The following MCC variants were observed in gnomAD, a reference collection of about 807,000 sequenced individuals.
MCC encodes colorectal mutant cancer protein.
In MCC, 90 loss-of-function variants were observed where a neutral mutation model predicts 116.2. The ratio of observed to expected loss-of-function variants is 0.77; its 90% confidence interval spans 0.65 to 0.92. MCC has a LOEUF of 0.92. Ranked by LOEUF, MCC falls within the 40% of genes least tolerant of loss-of-function variation. The pLI, the probability that MCC is intolerant of heterozygous loss-of-function variation, is 0.00. For synonymous variants in MCC, 578 were observed against 510.5 expected, an observed-to-expected ratio of 1.13 and a Z score of -1.78; for missense variants, 1,516 against 1,312.2, an observed-to-expected ratio of 1.16 and a Z score of -2.40.
chr5:113,044,130 A>G (rs961614807), intron 16 of MCC, among the ~76,000 whole-genome samples: 1 of 152,176 alleles, frequency 6.6e-6, no homozygotes, highest in Non-Finnish European at 1.5e-5. Context: ...ACAAGTGAGA[A>G]ATACCTGTGA....
At chr5:113,032,865 C>G (rs919833450) in intron 17 of MCC, among the ~76,000 whole-genome samples, 2 of 152,226 alleles carry the variant, frequency 1.3e-5, no homozygotes, top group African/African-American at 2.4e-5. Context: ...CTGCTACACT[C>G]TCACCAGCGC....
intron 3 of MCC, among the ~76,000 whole-genome samples, chr5:113,194,240 T>C (rs1354264701): frequency 6.6e-6 from 1 of 152,242 alleles, no homozygotes; most frequent in East Asian, 1.9e-4. Context: ...GGGGACATGG[T>C]GATAACCTAA....
intron 16 of MCC, among the ~76,000 whole-genome samples, chr5:113,046,710 A>AAAAAAAAAAAGAG: frequency 8.8e-5 from 9 of 102,410 alleles, no homozygotes; most frequent in African/African-American, 2.8e-4. Context: ...AAAAAAAAAA[A>AAAAAAAAAAAGAG]AGAGAGAGAT....
At position 113,346,871 on chromosome 5, in the gene MCC, G is replaced by C. The variant is rs528067952; in HGVS notation, c.416-6141C>G. Among the ~76,000 whole-genome samples, 29 of 151,978 alleles carry C rather than the reference G, an allele frequency of 1.9e-4. 1 individual carries two copies. In the South Asian group the frequency reaches 3.7e-3, roughly 20 times the overall value. The stretch of plus-strand genomic sequence containing the variant: ...CATACAATGGAGTTCCAATATGTCT[G>C]GAAGCAGACTTCTCAGTGTAAACCT... On this transcript the variant is annotated intron_variant, in intron 2 of 18. Coordinates refer to ENST00000408903, the MANE Select transcript of MCC (RefSeq NM_001085377.2).
rs554364957 is a variant in MCC at position 113,246,574 on chromosome 5, G to A, written c.627+93945C>T. Among the ~76,000 whole-genome samples, 91 of 152,310 alleles carry A rather than the reference G, an allele frequency of 6.0e-4. No homozygotes were observed. In the South Asian group the frequency reaches 0.017, roughly 28 times the overall value. The stretch of plus-strand genomic sequence containing the variant: ...TGCTGGAGGAATGGAAAGCAGCAGC[G>A]AATCCTATTTTGGATACAGAGGCTG... On this transcript the variant is annotated intron_variant, in intron 3 of 18. Transcript: ENST00000408903.
rs540942467 is a variant in MCC, at chr5:113,075,332, T to C, written c.1785-4098A>G. Among the ~76,000 whole-genome samples, 5 of 152,150 alleles carry C rather than the reference T, an allele frequency of 3.3e-5. 1 individual carries two copies. The South Asian group carries it at 1.0e-3, about 32-fold the overall frequency. On this transcript the variant is annotated intron_variant, in intron 11 of 18. Coordinates refer to ENST00000408903, the MANE Select transcript of MCC (RefSeq NM_001085377.2). The stretch of plus-strand genomic sequence containing the variant: ...CCGAGCCCCCCTCACCCCCTGTGGG[T>C]TCCCGTGCATCCCAAGCCTCCCCGA...
intron 3 of MCC, among the ~76,000 whole-genome samples, chr5:113,263,589 T>G (rs774038111): frequency 6.6e-6 from 1 of 152,192 alleles, no homozygotes; most frequent in Non-Finnish European, 1.5e-5. Flanking sequence ...CAGAGTAACA[T>G]GACTTTCAAG....
At chr5:113,287,843 G>C (rs574815408) in intron 3 of MCC, among the ~76,000 whole-genome samples, 4 of 152,198 alleles carry the variant, frequency 2.6e-5, no homozygotes, top group Non-Finnish European at 5.9e-5. Flanking sequence ...CCAATTGGTA[G>C]CAACTACCTC....
intron 16 of MCC, 86 bp downstream of exon 16, chr5:113,049,007 G>C: frequency 7.9e-7 from 1 of 1,267,386 alleles, no homozygotes; most frequent in Non-Finnish European, 1.1e-6. Context: ...TGAGGCAGCA[G>C]GGCGGTGAGG....
At chr5:113,232,657 A>G (rs1262581238) in intron 3 of MCC, among the ~76,000 whole-genome samples, 1 of 152,244 alleles carries the variant, frequency 6.6e-6, no homozygotes, top group Non-Finnish European at 1.5e-5. Context: ...AGTACTTTGA[A>G]AATTTATTAA....
At chr5:113,047,438 C>T (rs1338210432) in intron 16 of MCC, among the ~76,000 whole-genome samples, 1 of 152,230 alleles carries the variant, frequency 6.6e-6, no homozygotes, top group Admixed American at 6.5e-5. Context: ...CTTGGCTCCT[C>T]AGCAAGTGGG....
chr5:113,167,086 G>A (rs138352423), intron 3 of MCC, among the ~76,000 whole-genome samples: 5 of 152,204 alleles, frequency 3.3e-5, no homozygotes, highest in East Asian at 3.9e-4. Flanking sequence ...GAGTTTGGTC[G>A]GCAGCCTCTC....
rs76505621 is a variant in MCC at position 113,143,738 on chromosome 5, T to A, written c.742-378A>T. ...GATTTCAATCTTGAGCCAATGGATG[T>A]AAGGTTGCATGGAGTTGATTCAGAA... On this transcript the variant is annotated intron_variant, in intron 4 of 18. Transcript: ENST00000408903. 8.6e-3 allele frequency among the ~76,000 whole-genome samples: 1,307 copies of A among 152,280 alleles called. 21 individuals are homozygous for A. The highest frequency in any genetic ancestry group is 0.03 in the African/African-American group (1,252 of 41,550).
At chr5:113,206,455 C>T (rs141393837) in intron 3 of MCC, among the ~76,000 whole-genome samples, 2,221 of 152,332 alleles carry the variant, frequency 0.015, 56 homozygotes, top group African/African-American at 0.051. Flanking sequence ...TAGCTCACGC[C>T]TATAATCCCA....
At chr5:113,145,996 A>C (rs7720994) in intron 4 of MCC, among the ~76,000 whole-genome samples, 1 of 152,204 alleles carries the variant, frequency 6.6e-6, no homozygotes, top group African/African-American at 2.4e-5. Flanking sequence ...AAAAAGACTC[A>C]ATGTATATTT....
chr5:113,323,394 A>T (rs1767473703), intron 3 of MCC: 1 of 152,312 alleles, frequency 6.6e-6, no homozygotes, highest in African/African-American at 2.4e-5. Context: ...CTACTTAAAC[A>T]GGTGGTCAGG....
chr5:113,071,078 C>G lies in MCC; in HGVS notation c.1925+16G>C. On this transcript the variant is annotated intron_variant, in intron 12 of 18. Transcript: ENST00000408903. ...TCTACCCTGAAGTAGCTCCAAACAT[C>G]CCAGTGTGTGCCTACCTGTACTGCA... The G allele has an allele frequency of 6.2e-7, 1 of 1,602,552 alleles. No homozygotes were observed. The highest frequency in any genetic ancestry group is 8.5e-7 in the Non-Finnish European group (1 of 1,175,240).
At chr5:113,486,709 A>G (rs1038492003) in intron 1 of MCC, among the ~76,000 whole-genome samples, 2 of 151,956 alleles carry the variant, frequency 1.3e-5, no homozygotes, top group Admixed American at 6.5e-5. Context: ...CGGGAGTGGT[A>G]GTGGGCACCT....
intron 3 of MCC, among the ~76,000 whole-genome samples, chr5:113,327,557 A>T (rs1386430720): frequency 2.0e-3 from 166 of 81,922 alleles, no homozygotes; most frequent in African/African-American, 5.9e-3. Flanking sequence ...AAAAAAAAAA[A>T]AAAAATATAT....
Sources: allele counts gnomAD v4.1 joint callset (sites outside exome capture counted in the v4.1 genomes callset), GRCh38; gene constraint gnomAD v4.1.1; transcripts MANE v1.5; gene names NCBI Gene and HGNC (gene_info 2026-07-23, HGNC 2026-07-21).